The following BICD2 variants were observed in gnomAD, a reference collection of about 807,000 sequenced individuals.
The protein encoded by BICD2 is protein bicaudal D homolog 2.
A neutral mutation model predicts 72.9 loss-of-function variants in BICD2; 25 were observed. The ratio of observed to expected loss-of-function variants is 0.34; its 90% CI spans 0.25 to 0.48. BICD2 has a LOEUF of 0.48. Among genes scored for constraint, BICD2 ranks in the 20% least tolerant of loss-of-function variants. The pLI, the probability that BICD2 is intolerant of heterozygous loss-of-function variation, is 0.99. For missense variants in BICD2, 894 were observed against 1,175.2 expected, an observed-to-expected ratio of 0.76 and a Z score of 3.50; for synonymous variants, 501 against 516.1, an observed-to-expected ratio of 0.97 and a Z score of 0.40.
At chr9:92,718,131 C>T (rs1402269888) in intron 5 of BICD2, among the ~76,000 whole-genome samples, 183 bp from the exon 6 acceptor site, 7 of 152,178 alleles carry the variant, frequency 4.6e-5, no homozygotes, top group African/African-American at 1.7e-4. Context: ...ATGGGGAGTC[C>T]CACCTGCTGA....
At chr9:92,753,436 A>G (rs1233328601) in intron 1 of BICD2, among the ~76,000 whole-genome samples, 1 of 152,240 alleles carries the variant, frequency 6.6e-6, no homozygotes, top group African/African-American at 2.4e-5. Context: ...TGTGGGGTAT[A>G]CAGCAACTCT....
At chr9:92,748,462 G>C (rs867821574) in intron 1 of BICD2, among the ~76,000 whole-genome samples, 11 of 152,108 alleles carry the variant, frequency 7.2e-5, no homozygotes, top group Admixed American at 2.0e-4. Context: ...TAGAATTTTT[G>C]AAAGTCCCCC....
In BICD2 at chr9:92,755,639, G is replaced by A. The variant is rs145094699; in HGVS notation, c.240+8866C>T. On this transcript the variant is annotated intron_variant, in intron 1 of 6. Transcript: ENST00000356884. ...AGAACTTACGTGAATATCGGGGCAT[G>A]TTCCCCGATAATTATCTTAGGTCAC... is the stretch of plus-strand genomic sequence containing the variant. Among the ~76,000 whole-genome samples the A allele has an allele frequency of 7.2e-5, 11 of 152,324 alleles. No individual in the cohort carries two copies. In the East Asian group the frequency reaches 2.1e-3, roughly 29 times the overall value.
chr9:92,725,004 G>C (rs1181875741), intron 2 of BICD2, among the ~76,000 whole-genome samples: 2 of 152,204 alleles, frequency 1.3e-5, no homozygotes, highest in Non-Finnish European at 2.9e-5. Flanking sequence ...ACTCTCCCAG[G>C]CCTGCCAGTC....
intron 1 of BICD2, among the ~76,000 whole-genome samples, chr9:92,736,984 G>C (rs1025311321): frequency 6.6e-6 from 1 of 152,112 alleles, no homozygotes; most frequent in African/African-American, 2.4e-5. Flanking sequence ...GATGAGCCCA[G>C]TGCCCCACCC....
At position 92,714,846 on chromosome 9, in the gene BICD2, T is replaced by C. The variant is rs1853269008; in HGVS notation, c.*308A>G. ...CTCCTCCCTTGGGTTTCCCCACGGG[T>C]GCGCAGGGCTTAGAAGATGCTTTCA... On this transcript the variant is annotated 3_prime_UTR_variant, in exon 7 of 7. Transcript: ENST00000356884. 1 of 1,121,882 alleles carries C rather than the reference T, an allele frequency of 8.9e-7. No individual in the cohort carries two copies. The highest frequency in any genetic ancestry group is 4.9e-5 in the Admixed American group (1 of 20,308). The allele number at this position is 1,121,882 out of a possible 1,614,324, so 69.5% of individuals were successfully genotyped here.
chr9:92,713,554 C>T lies in BICD2; in HGVS notation c.*1600G>A, dbSNP rs184343098. 3.9e-5 allele frequency: 60 copies of T among 1,548,762 alleles called. No homozygotes were observed. The East Asian group carries it at 9.0e-4, about 23-fold the overall frequency. On this transcript the variant is annotated 3_prime_UTR_variant, in exon 7 of 7. Transcript: ENST00000356884. ...AAGCTCTCCACGTGCTGGGAGGGCG[C>T]GAGCACGTTAGTTGGCAGAAGAGAA... is the stretch of plus-strand genomic sequence containing the variant.
Position 92,713,739 on chromosome 9 carries a change from G to A in BICD2, c.*1415C>T, listed in dbSNP as rs562387332. 2.3e-4 allele frequency: 308 copies of A among 1,351,418 alleles called. 1 individual carries two copies. The African/African-American group carries it at 4.1e-3, about 18-fold the overall frequency. 83.7% of individuals were successfully genotyped at this position (1,351,418 alleles called of 1,614,324 possible). On this transcript the variant is annotated 3_prime_UTR_variant, in exon 7 of 7. Coordinates refer to ENST00000356884, the MANE Select transcript of BICD2 (RefSeq NM_001003800.2). ...CCACTGCGAGTCTTGCTGGGGCAGGGGGATCTGGGCCCAGGATGAACACGC... is the reference window on the plus strand; with the variant it reads ...CCACTGCGAGTCTTGCTGGGGCAGGAGGATCTGGGCCCAGGATGAACACGC...
intron 1 of BICD2, among the ~76,000 whole-genome samples, chr9:92,741,056 C>T (rs1853888110): frequency 6.6e-6 from 1 of 152,222 alleles, no homozygotes; most frequent in East Asian, 1.9e-4. Flanking sequence ...AAGACATGCC[C>T]TATCAGTTCC....
rs1324298551 is a variant in BICD2, at chr9:92,719,562, G to T, written c.1083C>A (p.Gly361=). 1.1e-5 allele frequency: 17 copies of T among 1,602,790 alleles called. No individual in the cohort carries two copies. The highest frequency in any genetic ancestry group is 1.4e-5 in the Non-Finnish European group (17 of 1,176,548). The change falls in exon 5 of 7, where the codon GGC becomes GGA. Residue 361 remains glycine, a synonymous_variant. Transcript: ENST00000356884. ...QLMQMEREKA[G]LLATLQDTQK... is the part of the protein sequence containing the mutation. Reference sequence around the variant, plus strand: ...GTGTGTCCTGCAGCGTTGCCAGCAGGCCCGCCTTTTCCCGCTCCATCTGCA... The same window carrying T: ...GTGTGTCCTGCAGCGTTGCCAGCAGTCCCGCCTTTTCCCGCTCCATCTGCA...
chr9:92,717,735 G>A, intron 6 of BICD2, 62 bp downstream of exon 6: 2 of 1,513,372 alleles, frequency 1.3e-6, no homozygotes, highest in South Asian at 2.6e-5. Context: ...AAGGGTTCCA[G>A]AGGCAAGTGC....
At position 92,713,815 on chromosome 9, in the gene BICD2, T is replaced by C; in HGVS notation, c.*1339A>G. ...GAGTCTGGAGGGGACCGAAACATAC[T>C]CGGCACCAAAGGGAAGAACGCGCAG... is the stretch of plus-strand genomic sequence containing the variant. On this transcript the variant is annotated 3_prime_UTR_variant, in exon 7 of 7. Transcript: ENST00000356884. 1 of 1,118,196 alleles carries C rather than the reference T, an allele frequency of 8.9e-7. No individual in the cohort carries two copies. Among genetic ancestry groups the C allele is most frequent in the Non-Finnish European group, 1.1e-6 (1 of 908,244 alleles). The allele number at this position is 1,118,196 out of a possible 1,614,324, so 69.3% of individuals were successfully genotyped here.
At position 92,714,369 on chromosome 9, in the gene BICD2, C is replaced by T. The variant is rs1045896473; in HGVS notation, c.*785G>A. 1.9e-5 allele frequency: 19 copies of T among 985,510 alleles called. No individual in the cohort carries two copies. In the African/African-American group the frequency reaches 3.3e-4, roughly 17 times the overall value. 61.0% of individuals were successfully genotyped at this position (985,510 alleles called of 1,614,324 possible). A position where few individuals can be genotyped will look rare whatever the true frequency, so the allele number is the denominator to read the frequency against. ...CTCTGCACTAAGGACCAAGGTCTGG[C>T]CAGGCACTTGGAAAGCTTTTCTCAT... On this transcript the variant is annotated 3_prime_UTR_variant, in exon 7 of 7. Transcript: ENST00000356884.
intron 1 of BICD2, among the ~76,000 whole-genome samples, chr9:92,758,572 T>C (rs1170306452): frequency 1.9e-4 from 16 of 84,698 alleles, no homozygotes; most frequent in African/African-American, 6.8e-4. Context: ...AAAAAAAGGC[T>C]GGGCGTGGTG....
rs767064425 is a variant in BICD2 at position 92,715,371 on chromosome 9, A to G, written c.2351T>C (p.Met784Thr). 3 of 1,612,674 alleles carry G rather than the reference A, an allele frequency of 1.9e-6. No homozygotes were observed. The highest frequency in any genetic ancestry group is 1.7e-5 in the Admixed American group (1 of 59,996). The stretch of plus-strand genomic sequence containing the variant: ...CAGCGCCAGCTTCTGCTGGATGGCC[A>G]TGCGCAGCAGCGAGTTCAGCGTCTT... ...EKKTLNSLLR[M>T]AIQQKLALTQ... The change falls in exon 7 of 7, where the codon ATG becomes ACG. Residue 784 changes from methionine to threonine, a missense_variant. This residue lies in a region of BICD2 where 321 missense variants were observed against 443.9 expected (regional missense o/e 0.72). Transcript: ENST00000356884.
In BICD2 at chr9:92,711,754, C is replaced by T. The variant is rs1056177843; in HGVS notation, c.*3400G>A. The stretch of plus-strand genomic sequence containing the variant: ...TATTTCTTATGAATCAACACTGTAA[C>T]GGAAGGTAAAAATAGGAGTCCCTAC... On this transcript the variant is annotated 3_prime_UTR_variant, in exon 7 of 7. Transcript: ENST00000356884. 6.6e-6 allele frequency: 1 copy of T among 152,406 alleles called. No homozygotes were observed. The highest frequency in any genetic ancestry group is 6.6e-5 in the Admixed American group (1 of 15,262). The allele number at this position is 152,406 out of a possible 1,614,324, so 9.4% of individuals were successfully genotyped here.
intron 1 of BICD2, among the ~76,000 whole-genome samples, chr9:92,756,503 C>T (rs1212040068): frequency 2.6e-5 from 4 of 151,256 alleles, no homozygotes; most frequent in African/African-American, 7.2e-5. Flanking sequence ...CCTCGTGATC[C>T]GCCTGCCTCA....
intron 4 of BICD2, 90 bp from the exon 5 acceptor site, chr9:92,719,672 C>T: frequency 7.3e-7 from 1 of 1,368,938 alleles, no homozygotes; most frequent in Non-Finnish European, 9.7e-7. Context: ...TGACATCCCA[C>T]CCCATGTCAG....
At chr9:92,736,890 G>A (rs778408377) in intron 1 of BICD2, among the ~76,000 whole-genome samples, 7 of 152,192 alleles carry the variant, frequency 4.6e-5, no homozygotes, top group African/African-American at 9.7e-5. Flanking sequence ...TGGCTGTAGC[G>A]TGGGATGGTG....
Sources: gnomAD v4.1 joint callset for allele counts (sites outside exome capture counted in the v4.1 genomes callset) on GRCh38, gnomAD v4.1.1 for gene constraint, gnomAD v4.1.1 regional missense constraint, MANE v1.5 for transcripts, NCBI Gene and HGNC (gene_info 2026-07-23, HGNC 2026-07-21) for gene names.